Variants in SH3PXD2B observed in about 807,000 individuals in gnomAD.
SH3PXD2B encodes the protein SH3 and PX domains 2B.
Under a neutral mutation model 73.1 loss-of-function variants are expected in SH3PXD2B, and 37 were observed. The ratio of observed to expected loss-of-function variants is 0.51; its 90% CI spans 0.39 to 0.67. The LOEUF (loss-of-function observed/expected upper bound fraction) is 0.67. Ranked by LOEUF, SH3PXD2B falls within the 30% of genes least tolerant of loss-of-function variation. The pLI is 0.00. For synonymous variants in SH3PXD2B, 457 were observed against 480.5 expected (o/e 0.95, Z 0.64); for missense variants, 1,053 against 1,197.8 (o/e 0.88, Z 1.78).
chr5:172,392,271 A>G (rs187351961), intron 4 of SH3PXD2B, among the ~76,000 whole-genome samples: 29 of 152,352 alleles, frequency 1.9e-4, no homozygotes, highest in Admixed American at 1.4e-3. Context: ...AGAAAGGTAC[A>G]GAAAAGACCT....
At chr5:172,367,709 A>C (rs890827961) in intron 6 of SH3PXD2B, among the ~76,000 whole-genome samples, 11 of 152,294 alleles carry the variant, frequency 7.2e-5, no homozygotes, top group African/African-American at 2.6e-4. Flanking sequence ...GCCCCAGACA[A>C]TGGGATATAA....
chr5:172,338,932 A>C lies in SH3PXD2B; in HGVS notation c.2173T>G (p.Ser725Ala). The stretch of plus-strand genomic sequence containing the variant: ...GCTGGCCTCGGAGGGGCTCTGCAGG[A>C]AATCTCTTTTGGGCTGAGACCATCC... ...KQDGLSPKEISCRAPPRPAKT... is the reference protein window; with the variant it reads ...KQDGLSPKEIACRAPPRPAKT... Residue 725 changes from serine (S) to alanine (A), a missense_variant, in exon 13 of 13, where the codon TCC becomes GCC. This residue lies in a region of SH3PXD2B where 587 missense variants were observed against 590.7 expected (regional missense o/e 0.99). Coordinates refer to ENST00000311601, the MANE Select transcript of SH3PXD2B (RefSeq NM_001017995.3). The surrounding 1 kb of genome is among the most constrained non-coding windows in gnomAD (Gnocchi z 5.1). 1 of 1,614,102 alleles carries C rather than the reference A, an allele frequency of 6.2e-7. No individual in the cohort carries two copies.
chr5:172,411,241 C>T (rs1758684738), intron 2 of SH3PXD2B, among the ~76,000 whole-genome samples: 1 of 151,954 alleles, frequency 6.6e-6, no homozygotes, highest in South Asian at 2.1e-4. Context: ...AGTAATCTGT[C>T]CACCCTAACA....
At chr5:172,432,152 AAC>A (rs1243195496) in intron 1 of SH3PXD2B, among the ~76,000 whole-genome samples, 2 of 152,184 alleles carry the variant, frequency 1.3e-5, no homozygotes, top group Non-Finnish European at 2.9e-5. Context: ...CAGCCTGGAC[AAC>A]AGAGTGAGAC....
intron 4 of SH3PXD2B, among the ~76,000 whole-genome samples, chr5:172,393,982 T>C (rs1403798062): frequency 2.0e-5 from 3 of 152,138 alleles, no homozygotes; most frequent in African/African-American, 7.2e-5. Context: ...CCTCACTCTG[T>C]TGCCCAGGTG....
In SH3PXD2B at chr5:172,337,859, C is replaced by T; in HGVS notation, c.*510G>A. On this transcript the variant is annotated 3_prime_UTR_variant, in exon 13 of 13. Coordinates refer to ENST00000311601, the MANE Select transcript of SH3PXD2B (RefSeq NM_001017995.3). ...GAACTGGTAATGGAATGCATTTCTT[C>T]AGGATGAAGTTCCTTCTGGTAGCAG... The T allele has an allele frequency of 1.2e-5, 12 of 1,004,724 alleles. No individual in the cohort carries two copies. The highest frequency in any genetic ancestry group is 1.4e-5 in the Non-Finnish European group (12 of 840,906). The allele number at this position is 1,004,724 out of a possible 1,614,324, so 62.2% of individuals were successfully genotyped here. A position where few individuals can be genotyped will look rare whatever the true frequency, so the allele number is the denominator to read the frequency against.
chr5:172,453,624 C>T (rs1759852156), intron 1 of SH3PXD2B, among the ~76,000 whole-genome samples: 2 of 152,224 alleles, frequency 1.3e-5, no homozygotes, highest in South Asian at 4.1e-4. Flanking sequence ...TTGCCAGCTC[C>T]AAACAAGATT....
Position 172,350,273 on chromosome 5 carries a change from G to GT in SH3PXD2B, c.1012+89dup, listed in dbSNP as rs1757128882. ...AGGATGGGGGAGCAGCTGGGCTGCTGTGAGGATGAGGGACGATGTGAGACG... is the reference window on the plus strand; with the variant it reads ...AGGATGGGGGAGCAGCTGGGCTGCTGTTGAGGATGAGGGACGATGTGAGACG... On this transcript the variant is annotated intron_variant, in intron 10 of 12. Coordinates refer to ENST00000311601, the MANE Select transcript of SH3PXD2B (RefSeq NM_001017995.3). The GT allele has an allele frequency of 2.3e-6, 3 of 1,312,292 alleles. No individual in the cohort carries two copies. In the African/African-American group the frequency reaches 4.4e-5, roughly 19 times the overall value. The allele number at this position is 1,312,292 out of a possible 1,614,324, so 81.3% of individuals were successfully genotyped here. A position where few individuals can be genotyped will look rare whatever the true frequency, so the allele number is the denominator to read the frequency against.
Position 172,333,980 on chromosome 5 carries a change from C to A in SH3PXD2B, c.*4389G>T, listed in dbSNP as rs892135612. 3.3e-6 allele frequency: 4 copies of A among 1,203,042 alleles called. No individual in the cohort carries two copies. Among genetic ancestry groups the A allele is most frequent in the African/African-American group, 1.6e-5 (1 of 62,204 alleles). The allele number at this position is 1,203,042 out of a possible 1,614,324, so 74.5% of individuals were successfully genotyped here. ...TAGAATTGCTTATTGCTGATGTAAG[C>A]CTGGTGGGGGCACCTTCTTTTTTAC... On this transcript the variant is annotated 3_prime_UTR_variant, in exon 13 of 13. Transcript: ENST00000311601.
intron 1 of SH3PXD2B, 24 bp downstream of exon 1, chr5:172,454,254 G>C (rs1759876811): frequency 6.3e-7 from 1 of 1,587,746 alleles, no homozygotes; most frequent in Non-Finnish European, 8.5e-7. Context: ...GCTCAAGGGG[G>C]CGTGGGGGCC....
At chr5:172,413,050 C>T (rs1443712856) in intron 2 of SH3PXD2B, among the ~76,000 whole-genome samples, 6 of 152,342 alleles carry the variant, frequency 3.9e-5, no homozygotes, top group South Asian at 4.1e-4. Context: ...GGCCACCACA[C>T]GTGGTTTGCG....
At chr5:172,416,422 G>A (rs952079714) in intron 2 of SH3PXD2B, among the ~76,000 whole-genome samples, 3 of 151,876 alleles carry the variant, frequency 2.0e-5, no homozygotes, top group East Asian at 1.9e-4. Flanking sequence ...CTGCCTCCCG[G>A]GTTCAAATGA....
At chr5:172,442,189 T>C (rs114321941) in intron 1 of SH3PXD2B, among the ~76,000 whole-genome samples, 1,628 of 152,158 alleles carry the variant, frequency 0.011, 21 homozygotes, top group African/African-American at 0.037. Flanking sequence ...CCCAAGGAGG[T>C]TGGGTAACTT....
chr5:172,339,541 G>A lies in SH3PXD2B; in HGVS notation c.1564C>T (p.Leu522Phe), dbSNP rs777505150. ...SDPDMEEKPSLPPRKESIIKS... is the reference protein window; with the variant it reads ...SDPDMEEKPSFPPRKESIIKS... ...ATGATGGATTCTTTCCGCGGAGGGA[G>A]GCTGGGCTTCTCCTCCATGTCGGGG... The change falls in exon 13 of 13, where the codon CTC becomes TTC. Residue 522 changes from leucine to phenylalanine, a missense_variant. Around this residue, in one of 2 missense-constraint regions of SH3PXD2B, gnomAD observed 587 missense variants for 590.7 expected, o/e 0.99. Transcript: ENST00000311601. This position sits in a 1 kb window ranked among gnomAD's most constrained non-coding sequence, Gnocchi z 6.1. 1 of 1,614,190 alleles carries A rather than the reference G, an allele frequency of 6.2e-7. No individual in the cohort carries two copies. The highest frequency in any genetic ancestry group is 1.1e-5 in the South Asian group (1 of 91,092).
At position 172,344,588 on chromosome 5, in the gene SH3PXD2B, C is replaced by CAAAAAA. The variant is rs756550290; in HGVS notation, c.1188+1542_1188+1547dup. On this transcript the variant is annotated intron_variant, in intron 12 of 12. Transcript: ENST00000311601. ...GGGCAACAGAGGAGCGAGGCTCTGT[C>CAAAAAA]AAAAAAAAAAAAAAAAAAAAAAAAA... Among the ~76,000 whole-genome samples, 25 of 25,230 alleles carry CAAAAAA rather than the reference C, an allele frequency of 9.9e-4. 3 individuals are homozygous for CAAAAAA. The highest frequency in any genetic ancestry group is 4.1e-3 in the African/African-American group (24 of 5,850). 16.6% of individuals were successfully genotyped at this position (25,230 alleles called of 152,430 possible).
rs989256212 is a variant in SH3PXD2B, at chr5:172,337,062, A to G, written c.*1307T>C. 5 of 984,118 alleles carry G rather than the reference A, an allele frequency of 5.1e-6. No homozygotes were observed. Among genetic ancestry groups the G allele is most frequent in the Middle Eastern group, 1.0e-3 (2 of 1,936 alleles). The allele number at this position is 984,118 out of a possible 1,614,324, so 61.0% of individuals were successfully genotyped here. On this transcript the variant is annotated 3_prime_UTR_variant, in exon 13 of 13. Coordinates refer to ENST00000311601, the MANE Select transcript of SH3PXD2B (RefSeq NM_001017995.3). ...AGGCCACCTCAGCTCCCGTTGCTCC[A>G]TAAGCTCTATTCCCCAGGGGGCAAC...
intron 2 of SH3PXD2B, among the ~76,000 whole-genome samples, chr5:172,420,517 C>T (rs924197337): frequency 1.3e-5 from 2 of 151,678 alleles, no homozygotes; most frequent in Non-Finnish European, 2.9e-5. Context: ...AGGATGCCAA[C>T]CTTCTGAGAG....
intron 1 of SH3PXD2B, among the ~76,000 whole-genome samples, chr5:172,443,278 TTAC>T (rs1472312696): frequency 1.3e-5 from 2 of 152,226 alleles, no homozygotes; most frequent in African/African-American, 4.8e-5. Flanking sequence ...GTCACATGTA[TTAC>T]TACTATCACC....
intron 2 of SH3PXD2B, among the ~76,000 whole-genome samples, chr5:172,408,150 T>A (rs939861743): frequency 6.8e-6 from 1 of 146,190 alleles, no homozygotes; most frequent in African/African-American, 2.5e-5. Flanking sequence ...AAACTGTGGG[T>A]TTTTTTTTTT....
Sources: allele counts gnomAD v4.1 joint callset (sites outside exome capture counted in the v4.1 genomes callset), GRCh38; gene constraint gnomAD v4.1.1; regional missense constraint gnomAD v4.1.1; non-coding constraint Gnocchi (gnomAD v3.1); transcripts MANE v1.5; gene names NCBI Gene and HGNC (gene_info 2026-07-23, HGNC 2026-07-21).